NR3C2: variants seen among roughly 807,000 people sequenced by gnomAD.
The protein encoded by NR3C2 is nuclear receptor subfamily 3 group C member 2.
Under a neutral mutation model 86.4 loss-of-function variants are expected in NR3C2, and 15 were observed. The ratio of observed to expected loss-of-function variants is 0.17; its 90% CI spans 0.12 to 0.27. The LOEUF (loss-of-function observed/expected upper bound fraction) is 0.27, where lower values mean the gene tolerates loss of function less well. NR3C2 is among the 10% of genes least tolerant of loss of function. NR3C2 has a pLI of 1.00. For missense variants in NR3C2, 960 were observed against 1,195.6 expected (o/e 0.80, Z 2.91); for synonymous variants, 458 against 450.5 (o/e 1.02, Z -0.21).
chr4:148,354,599 T>C (rs1745460687), intron 2 of NR3C2, among the ~76,000 whole-genome samples: 1 of 152,168 alleles, frequency 6.6e-6, no homozygotes, highest in South Asian at 2.1e-4. Flanking sequence ...GCAGAACGAA[T>C]AGTTGTCAAG....
At position 148,435,883 on chromosome 4, in the gene NR3C2, T is replaced by G; in HGVS notation, c.978A>C (p.Ala326=). 1 of 1,614,210 alleles carries G rather than the reference T, an allele frequency of 6.2e-7. No homozygotes were observed. The highest frequency in any genetic ancestry group is 8.5e-7 in the Non-Finnish European group (1 of 1,180,028). ...TNNRSTLSSP[A]ASTVGSICSP... ...TACAGATAGATCCCACAGTACTGGC[T>G]GCCGGACTGGAAAGCGTGGATCTGT... The change falls in exon 2 of 9, where the codon GCA becomes GCC. Residue 326 remains alanine, a synonymous_variant. Transcript: ENST00000358102.
In NR3C2 at chr4:148,435,352, G is replaced by A. The variant is rs138960832; in HGVS notation, c.1509C>T (p.Tyr503=). The change falls in exon 2 of 9, where the codon TAC becomes TAT. Residue 503 remains tyrosine, a synonymous_variant. Coordinates refer to ENST00000358102, the MANE Select transcript of NR3C2 (RefSeq NM_000901.5). ...CAGAGGAAGGGATGCTGGCCTCTGG[G>A]TAATAGCTCCCATCATCTGGTTCTT... ...IKQEPDDGSY[Y]PEASIPSSAI... is the part of the protein sequence containing the mutation. 2.7e-5 allele frequency: 44 copies of A among 1,614,174 alleles called. No individual in the cohort carries two copies. The African/African-American group carries it at 4.0e-4, about 15-fold the overall frequency.
At chr4:148,288,034 A>C (rs1407011092) in intron 2 of NR3C2, among the ~76,000 whole-genome samples, 2 of 152,212 alleles carry the variant, frequency 1.3e-5, no homozygotes, top group African/African-American at 4.8e-5. Flanking sequence ...TTTCCATAAA[A>C]TCATTTCCAT....
At chr4:148,275,525 G>T (rs765581415) in intron 2 of NR3C2, among the ~76,000 whole-genome samples, 2 of 151,838 alleles carry the variant, frequency 1.3e-5, no homozygotes, top group Non-Finnish European at 2.9e-5. Flanking sequence ...CCACCTCCCA[G>T]TTTCAAGTGA....
At chr4:148,249,363 C>T (rs988791152) in intron 3 of NR3C2, among the ~76,000 whole-genome samples, 3 of 152,068 alleles carry the variant, frequency 2.0e-5, no homozygotes, top group Admixed American at 2.0e-4. Flanking sequence ...ACTTAATGAG[C>T]CTGTACTAGA....
chr4:148,169,037 T>C (rs1363771032), intron 4 of NR3C2, among the ~76,000 whole-genome samples: 1 of 152,176 alleles, frequency 6.6e-6, no homozygotes, highest in Non-Finnish European at 1.5e-5. Flanking sequence ...CAATATACCA[T>C]AACATGTGAA....
intron 2 of NR3C2, among the ~76,000 whole-genome samples, chr4:148,326,400 CAAAT>C (rs992801653): frequency 6.6e-6 from 1 of 151,268 alleles, no homozygotes. Flanking sequence ...GACTCCATCT[CAAAT>C]AAATAAATAA....
chr4:148,305,975 GAC>G (rs1742597471), intron 2 of NR3C2, among the ~76,000 whole-genome samples: 1 of 152,210 alleles, frequency 6.6e-6, no homozygotes, highest in Admixed American at 6.5e-5. Flanking sequence ...GGATTCTGAG[GAC>G]AGACTCATGG....
At chr4:148,149,359 G>A (rs1366816425) in intron 6 of NR3C2, among the ~76,000 whole-genome samples, 2 of 146,712 alleles carry the variant, frequency 1.4e-5, no homozygotes, top group Non-Finnish European at 3.0e-5. Flanking sequence ...CTTTTTTTTT[G>A]TTTCTTATTT....
intron 2 of NR3C2, among the ~76,000 whole-genome samples, chr4:148,421,048 T>C (rs1749257367): frequency 6.6e-6 from 1 of 152,212 alleles, no homozygotes; most frequent in African/African-American, 2.4e-5. Context: ...CACCCAGGAC[T>C]AGGCTTTGAC....
At chr4:148,222,395 A>G (rs1737905279) in intron 3 of NR3C2, among the ~76,000 whole-genome samples, 3 of 152,236 alleles carry the variant, frequency 2.0e-5, no homozygotes, top group Admixed American at 1.3e-4. Flanking sequence ...AGCCCGCATT[A>G]GCCAATAATG....
At chr4:148,177,080 G>C (rs531578169) in intron 4 of NR3C2, among the ~76,000 whole-genome samples, 3 of 152,014 alleles carry the variant, frequency 2.0e-5, no homozygotes, top group African/African-American at 4.8e-5. Context: ...CTACTAACTC[G>C]GCTTTTAAGA....
chr4:148,272,870 CA>C (rs142255638), intron 2 of NR3C2, among the ~76,000 whole-genome samples: 4 of 149,914 alleles, frequency 2.7e-5, no homozygotes, highest in African/African-American at 7.4e-5. Context: ...CTGGCATTTG[CA>C]AAAAAAAGAA....
At chr4:148,346,377 G>A (rs1744993077) in intron 2 of NR3C2, among the ~76,000 whole-genome samples, 1 of 152,054 alleles carries the variant, frequency 6.6e-6, no homozygotes, top group Non-Finnish European at 1.5e-5. Flanking sequence ...TGTAGATGAA[G>A]GCATCTTTCA....
intron 6 of NR3C2, among the ~76,000 whole-genome samples, chr4:148,148,843 G>A (rs780936367): frequency 1.3e-5 from 2 of 152,066 alleles, no homozygotes; most frequent in Non-Finnish European, 2.9e-5. Context: ...TATGAGAGAG[G>A]GATTTTTTTT....
At chr4:148,341,929 C>T (rs1331798317) in intron 2 of NR3C2, among the ~76,000 whole-genome samples, 2 of 152,122 alleles carry the variant, frequency 1.3e-5, no homozygotes, top group African/African-American at 4.8e-5. Context: ...CTATTTGCAA[C>T]TTAGTCAAAA....
intron 2 of NR3C2, among the ~76,000 whole-genome samples, chr4:148,351,702 A>C (rs1187066679): frequency 6.6e-6 from 1 of 152,216 alleles, no homozygotes; most frequent in Non-Finnish European, 1.5e-5. Context: ...GCAAGTGATC[A>C]ATCAGCAAAT....
chr4:148,184,261 C>T (rs1017882881), intron 4 of NR3C2, among the ~76,000 whole-genome samples: 3 of 148,330 alleles, frequency 2.0e-5, no homozygotes, highest in African/African-American at 5.0e-5. Flanking sequence ...CCAGCCTGGC[C>T]AACATGGTGA....
At chr4:148,121,604 CAAG>C (rs1337052024) in intron 6 of NR3C2, among the ~76,000 whole-genome samples, 1 of 152,182 alleles carries the variant, frequency 6.6e-6, no homozygotes, top group Non-Finnish European at 1.5e-5. Flanking sequence ...CTTCCTCTTT[CAAG>C]AAGAGAACCA....
Sources: allele counts gnomAD v4.1 joint callset (sites outside exome capture counted in the v4.1 genomes callset), GRCh38; gene constraint gnomAD v4.1.1; transcripts MANE v1.5; gene names NCBI Gene and HGNC (gene_info 2026-07-23, HGNC 2026-07-21).